CNTN6: variants seen among roughly 807,000 people sequenced by gnomAD.
The protein encoded by CNTN6 is contactin 6.
Under a neutral mutation model 122.8 loss-of-function variants are expected in CNTN6, and 137 were observed. That is an observed-to-expected ratio of 1.12 (90% CI 0.97 to 1.29). The LOEUF is 1.29. Ranked by LOEUF, CNTN6 falls within the 50% of genes most tolerant of loss-of-function variation. CNTN6 has a pLI of 0.00. For missense variants in CNTN6, 1,634 were observed against 1,223.4 expected (o/e 1.34, Z -5.01); for synonymous variants, 570 against 426.0 (o/e 1.34, Z -4.16).
chr3:1,402,451 G>A lies in CNTN6; in HGVS notation c.2951G>A (p.Ser984Asn). Reference sequence around the variant, plus strand: ...ACAGTCAGTGATGGTGGAGATGGAAGCAGCAGTGAGGAAATTAGGATTCCA... The same window carrying A: ...ACAGTCAGTGATGGTGGAGATGGAAACAGCAGTGAGGAAATTAGGATTCCA... ...IRTVSDGGDG[S>N]SSEEIRIPKM... Residue 984 changes from serine to asparagine, a missense_variant, in exon 22 of 23, where the codon AGC (serine) becomes AAC (asparagine). Ser to Asn is a conservative substitution (Grantham distance 46). Transcript: ENST00000446702. 6.2e-7 allele frequency: 1 copy of A among 1,611,020 alleles called. No individual in the cohort carries two copies.
chr3:1,300,449 C>CAGTTCAGGA (rs1553668624), intron 7 of CNTN6, among the ~76,000 whole-genome samples: 2 of 114,446 alleles, frequency 1.7e-5, no homozygotes, highest in African/African-American at 8.7e-5. Context: ...AGGGTCAGTT[C>CAGTTCAGGA]AGGAAGGAAG....
chr3:1,179,004 G>A (rs1255451614), intron 2 of CNTN6, among the ~76,000 whole-genome samples: 1 of 152,176 alleles, frequency 6.6e-6, no homozygotes, highest in Non-Finnish European at 1.5e-5. Flanking sequence ...TCGTGGTTCT[G>A]CAGGCTGTAC....
At chr3:1,384,687 T>TATATAC (rs1365599872) in intron 19 of CNTN6, among the ~76,000 whole-genome samples, 2 of 110,222 alleles carry the variant, frequency 1.8e-5, no homozygotes, top group East Asian at 4.2e-4. Flanking sequence ...TATATATATA[T>TATATAC]ACACACACAC....
intron 4 of CNTN6, among the ~76,000 whole-genome samples, chr3:1,262,729 C>A (rs1160412790): frequency 6.6e-6 from 1 of 152,038 alleles, no homozygotes; most frequent in Non-Finnish European, 1.5e-5. Flanking sequence ...TAATTAGTAA[C>A]CAGTTCAGTG....
At chr3:1,132,799 G>A (rs1574965509) in intron 1 of CNTN6, among the ~76,000 whole-genome samples, 1 of 151,994 alleles carries the variant, frequency 6.6e-6, no homozygotes. Context: ...GTCACTTGAC[G>A]ACAGTTAGTT....
chr3:1,127,502 A>G (rs1369583700), intron 1 of CNTN6, among the ~76,000 whole-genome samples: 3 of 151,874 alleles, frequency 2.0e-5, no homozygotes, highest in Admixed American at 6.6e-5. Context: ...CTAAGTGATT[A>G]TGTTGTATTC....
At chr3:1,213,361 C>A (rs1039734854) in intron 2 of CNTN6, among the ~76,000 whole-genome samples, 3 of 151,980 alleles carry the variant, frequency 2.0e-5, no homozygotes, top group African/African-American at 7.2e-5. Context: ...GGGTTGGAAA[C>A]TTTAAAGAGA....
chr3:1,292,767 G>A (rs911007949), intron 5 of CNTN6, among the ~76,000 whole-genome samples: 1 of 152,020 alleles, frequency 6.6e-6, no homozygotes. Context: ...AAAATGCATA[G>A]CAATTTAAAA....
At chr3:1,372,681 A>G (rs1174186883) in intron 13 of CNTN6, among the ~76,000 whole-genome samples, 157 bp from the exon 14 acceptor site, 1 of 152,104 alleles carries the variant, frequency 6.6e-6, no homozygotes, top group African/African-American at 2.4e-5. Flanking sequence ...AATAAGGGGG[A>G]TAATAAAAGG....
At chr3:1,380,041 A>T (rs767360167) in intron 17 of CNTN6, among the ~76,000 whole-genome samples, 1 of 152,188 alleles carries the variant, frequency 6.6e-6, no homozygotes, top group Non-Finnish European at 1.5e-5. Flanking sequence ...GCCTGGAAGG[A>T]GGTCAGGAAA....
At chr3:1,206,844 G>A (rs1484171092) in intron 2 of CNTN6, among the ~76,000 whole-genome samples, 2 of 152,068 alleles carry the variant, frequency 1.3e-5, no homozygotes, top group African/African-American at 4.8e-5. Flanking sequence ...TGACCATTCA[G>A]CTTCTTTAAT....
chr3:1,281,738 A>G (rs551044190), intron 5 of CNTN6, among the ~76,000 whole-genome samples: 28 of 152,264 alleles, frequency 1.8e-4, no homozygotes, highest in African/African-American at 6.5e-4. Context: ...GGGCGCAGCA[A>G]AGGCTGAAAT....
chr3:1,172,880 T>G (rs1213144579), intron 2 of CNTN6, among the ~76,000 whole-genome samples: 4 of 152,166 alleles, frequency 2.6e-5, no homozygotes, highest in African/African-American at 9.7e-5. Context: ...GGTCTGCTAG[T>G]CTGTTGGTGT....
intron 4 of CNTN6, among the ~76,000 whole-genome samples, chr3:1,268,410 A>G (rs372471401): frequency 8.5e-5 from 13 of 152,270 alleles, no homozygotes; most frequent in African/African-American, 2.6e-4. Flanking sequence ...GATCGAGACC[A>G]TCCTGGTTAA....
intron 11 of CNTN6, among the ~76,000 whole-genome samples, chr3:1,333,880 C>G (rs17193271): frequency 0.21 from 31,848 of 152,148 alleles, 3,989 homozygotes; most frequent in Non-Finnish European, 0.28. Context: ...GTCTTTTCCT[C>G]TCTATGGATA....
In CNTN6 at chr3:1,265,827, C is replaced by G. The variant is rs372419005; in HGVS notation, c.359-12586C>G. Among the ~76,000 whole-genome samples, 12 of 152,190 alleles carry G rather than the reference C, an allele frequency of 7.9e-5. No homozygotes were observed. In the East Asian group the frequency reaches 1.9e-3, roughly 25 times the overall value. On this transcript the variant is annotated intron_variant, in intron 4 of 22. Transcript: ENST00000446702. ...CAGCTTTAGCCTGAAACACAAAAAA[C>G]CTTTGTGTTTTTTGAAATATCAATG...
Position 1,203,004 on chromosome 3 carries a change from G to A in CNTN6, c.56-17683G>A, listed in dbSNP as rs925279777. Among the ~76,000 whole-genome samples the A allele has an allele frequency of 3.9e-5, 6 of 152,148 alleles. No homozygotes were observed. In the East Asian group the frequency reaches 7.7e-4, roughly 20 times the overall value. On this transcript the variant is annotated intron_variant, in intron 2 of 22. Coordinates refer to ENST00000446702, the MANE Select transcript of CNTN6 (RefSeq NM_001289080.2). The stretch of plus-strand genomic sequence containing the variant: ...AGCAAGAGAGTAATAGGAAGAATAA[G>A]TGATCATCCACTCTCAACATGATAA...
chr3:1,117,102 T>TA (rs2091753054), intron 1 of CNTN6, among the ~76,000 whole-genome samples: 2 of 152,086 alleles, frequency 1.3e-5, no homozygotes, highest in African/African-American at 4.8e-5. Flanking sequence ...AACTGGAAAA[T>TA]AGAGTGGATG....
intron 1 of CNTN6, among the ~76,000 whole-genome samples, chr3:1,101,725 A>G (rs548198605): frequency 3.5e-4 from 54 of 152,348 alleles, no homozygotes; most frequent in Admixed American, 5.9e-4. Context: ...TTACTGTAAC[A>G]AATTAAAGTG....
Sources: gnomAD v4.1 joint callset for allele counts (sites outside exome capture counted in the v4.1 genomes callset) on GRCh38, gnomAD v4.1.1 for gene constraint, MANE v1.5 for transcripts, NCBI Gene and HGNC (gene_info 2026-07-23, HGNC 2026-07-21) for gene names.